The following PCM1 variants were observed in gnomAD, a reference collection of about 807,000 sequenced individuals.
The protein encoded by PCM1 is pericentriolar material 1 protein.
A neutral mutation model predicts 241.9 loss-of-function variants in PCM1; 157 were observed. That is an observed-to-expected ratio of 0.65 (90% CI 0.57 to 0.74). The LOEUF (loss-of-function observed/expected upper bound fraction) is 0.74. Among genes scored for constraint, PCM1 ranks in the 30% least tolerant of loss-of-function variants. The pLI, the probability that PCM1 is intolerant of heterozygous loss-of-function variation, is 0.00. For synonymous variants in PCM1, 1,085 were observed against 784.9 expected, an observed-to-expected ratio of 1.38 and a Z score of -6.39; for missense variants, 3,478 against 2,360.1, an observed-to-expected ratio of 1.47 and a Z score of -9.81.
At chr8:17,988,969 A>G (rs2083510924) in intron 26 of PCM1, among the ~76,000 whole-genome samples, 1 of 152,024 alleles carries the variant, frequency 6.6e-6, no homozygotes, top group Admixed American at 6.6e-5. Context: ...TCCAAGAGAA[A>G]TGAAAATATG....
intron 36 of PCM1, among the ~76,000 whole-genome samples, chr8:18,024,106 AAACTT>A (rs1369053187): frequency 1.3e-5 from 2 of 152,262 alleles, no homozygotes; most frequent in South Asian, 4.1e-4. Flanking sequence ...AACATAAGTG[AAACTT>A]AACTTGGGTC....
chr8:17,936,782 G>A (rs957081210), intron 3 of PCM1, among the ~76,000 whole-genome samples: 8 of 151,984 alleles, frequency 5.3e-5, no homozygotes, highest in African/African-American at 1.2e-4. Context: ...ATAGGAGATC[G>A]GTAAAGGTAT....
At position 18,025,436 on chromosome 8, in the gene PCM1, C is replaced by G. The variant is rs1383544458; in HGVS notation, c.5917C>G (p.Leu1973Val). 2 of 1,590,768 alleles carry G rather than the reference C, an allele frequency of 1.3e-6. No individual in the cohort carries two copies. The highest frequency in any genetic ancestry group is 2.2e-5 in the East Asian group (1 of 44,536). The change falls in exon 37 of 39, where the codon CTG (leucine) becomes GTG (valine). Residue 1973 changes from leucine (L) to valine (V), a missense_variant. Physicochemically the swap from Leu to Val is conservative, Grantham distance 32 (BLOSUM62 1). Transcript: ENST00000325083. ...AAAAGTTGAAGATTTACCACTGAAA[C>G]TGACAATATATTCAGAGGTATTTAG... ...FVKVEDLPLK[L>V]TIYSEADLRK... is the part of the protein sequence containing the mutation.
chr8:17,958,151 C>T (rs1218096299), intron 13 of PCM1, among the ~76,000 whole-genome samples: 1 of 152,100 alleles, frequency 6.6e-6, no homozygotes, highest in South Asian at 2.1e-4. Context: ...GTTTTGCTGA[C>T]AACTCTGGCC....
Position 18,014,682 on chromosome 8 carries a change from G to A in PCM1, c.5683G>A (p.Val1895Ile), listed in dbSNP as rs749736514. 6.2e-7 allele frequency: 1 copy of A among 1,613,778 alleles called. No individual in the cohort carries two copies. Among genetic ancestry groups the A allele is most frequent in the African/African-American group, 1.3e-5 (1 of 75,018 alleles). The change falls in exon 36 of 39, where the codon GTT becomes ATT. Residue 1895 changes from valine (V) to isoleucine (I), a missense_variant. By Grantham distance (29) the Val-to-Ile change is conservative. Transcript: ENST00000325083. ...TGCCCATAAGGAGTCACCTCCTACT[G>A]TTGATTCAACTCAACAGCCTAACCC... ...SAAHKESPPT[V>I]DSTQQPNPLP...
At chr8:18,013,086 A>G (rs1378452652) in intron 34 of PCM1, among the ~76,000 whole-genome samples, 1 of 152,090 alleles carries the variant, frequency 6.6e-6, no homozygotes, top group African/African-American at 2.4e-5. Flanking sequence ...ACAAACTTCT[A>G]AATGTTAGTA....
chr8:17,975,423 G>A (rs995871382), intron 23 of PCM1, among the ~76,000 whole-genome samples: 1 of 152,098 alleles, frequency 6.6e-6, no homozygotes. Flanking sequence ...TTGGCCTCCG[G>A]AAGTGGTGGG....
intron 27 of PCM1, among the ~76,000 whole-genome samples, chr8:17,990,569 G>A (rs975608788): frequency 1.7e-4 from 25 of 151,150 alleles, no homozygotes; most frequent in African/African-American, 5.6e-4. Flanking sequence ...GAAAAAATTC[G>A]AGTCCTAGAC....
intron 27 of PCM1, 126 bp from the exon 28 acceptor site, chr8:17,991,416 G>T: frequency 4.4e-6 from 3 of 677,846 alleles, no homozygotes; most frequent in East Asian, 2.7e-5. Flanking sequence ...GTAGTATAGT[G>T]TGTAGAACTT....
In PCM1 at chr8:17,962,149, A is replaced by T; in HGVS notation, c.2438A>T (p.Glu813Val). The T allele has an allele frequency of 6.2e-7, 1 of 1,607,562 alleles. No homozygotes were observed. Among genetic ancestry groups the T allele is most frequent in the South Asian group, 1.1e-5 (1 of 90,104 alleles). ...ACAAGCAAATCTGTTTTTGAGCCTGAAGATTCTTCAATAGTAGATAATGAG... is the reference window on the plus strand; with the variant it reads ...ACAAGCAAATCTGTTTTTGAGCCTGTAGATTCTTCAATAGTAGATAATGAG... The part of the protein sequence containing the change: ...TSTSKSVFEP[E>V]DSSIVDNELW... Residue 813 changes from glutamate (E) to valine (V), a missense_variant, in exon 16 of 39, where the codon GAA (glutamate) becomes GTA (valine). Glu to Val is a moderately radical substitution (Grantham distance 121, BLOSUM62 -2). Coordinates refer to ENST00000325083, the MANE Select transcript of PCM1 (RefSeq NM_006197.4).
chr8:17,959,594 A>G (rs575899603), intron 13 of PCM1, among the ~76,000 whole-genome samples: 22 of 47,048 alleles, frequency 4.7e-4, no homozygotes, highest in African/African-American at 2.0e-3. Context: ...GCAATTTTCT[A>G]TATGTATTTC....
chr8:17,970,615 G>C (rs911190846), intron 22 of PCM1, among the ~76,000 whole-genome samples: 6 of 152,002 alleles, frequency 3.9e-5, no homozygotes, highest in Non-Finnish European at 7.4e-5. Flanking sequence ...GCCTAACACA[G>C]TGTTAGTTCA....
In PCM1 at chr8:17,937,291, A is replaced by G. The variant is rs756239280; in HGVS notation, c.254A>G (p.His85Arg). ...ACAAAGACTCCACATACGTTCCCAC[A>G]CAGTAGATACATGAGTCAGATGTCT... ...RRTKTPHTFP[H>R]SRYMSQMSVP... The change falls in exon 4 of 39, where the codon CAC (histidine) becomes CGC (arginine). Residue 85 changes from histidine to arginine, a missense_variant. His to Arg is a conservative substitution (Grantham distance 29, BLOSUM62 0). Coordinates refer to ENST00000325083, the MANE Select transcript of PCM1 (RefSeq NM_006197.4). 2.5e-6 allele frequency: 4 copies of G among 1,610,056 alleles called. No individual in the cohort carries two copies. Among genetic ancestry groups the G allele is most frequent in the Admixed American group, 1.7e-5 (1 of 59,686 alleles).
In PCM1 at chr8:18,014,008, C is replaced by T. The variant is rs183515316; in HGVS notation, c.5556C>T (p.Val1852=). The part of the protein sequence containing the change: ...DFKKTAESKN[V]PLEREATSKN... ...AAAAGACAGCAGAAAGCAAAAATGT[C>T]CCATTGGAACGAGAAGCCACTAGTA... Residue 1852 remains valine, a synonymous_variant, in exon 35 of 39, where the codon GTC becomes GTT. Transcript: ENST00000325083. 6.2e-7 allele frequency: 1 copy of T among 1,601,818 alleles called. No individual in the cohort carries two copies. Among genetic ancestry groups the T allele is most frequent in the Non-Finnish European group, 8.5e-7 (1 of 1,174,016 alleles).
At chr8:17,946,402 T>G (rs2063775588) in intron 6 of PCM1, among the ~76,000 whole-genome samples, 1 of 152,224 alleles carries the variant, frequency 6.6e-6, no homozygotes, top group Admixed American at 6.5e-5. Flanking sequence ...AAAATGTATT[T>G]TTAAAATTTC....
At chr8:17,975,879 A>C (rs2078599082) in intron 23 of PCM1, among the ~76,000 whole-genome samples, 1 of 152,190 alleles carries the variant, frequency 6.6e-6, no homozygotes, top group African/African-American at 2.4e-5. Flanking sequence ...ACTTGAGTTC[A>C]GACTTAGACC....
chr8:18,018,838 A>ATGTG (rs150553994), intron 36 of PCM1, among the ~76,000 whole-genome samples: 2 of 122,912 alleles, frequency 1.6e-5, no homozygotes, highest in Non-Finnish European at 3.2e-5. Context: ...ATATATATAT[A>ATGTG]TGTGTGTGTG....
rs569136970 is a variant in PCM1, at chr8:17,939,084, G to T, written c.612+75G>T. ...CCAACAGTAAGGTTTAGAAAATTAG[G>T]TTACGCACACAGGAATTTTAGTTGG... On this transcript the variant is annotated intron_variant, in intron 5 of 38. Coordinates refer to ENST00000325083, the MANE Select transcript of PCM1 (RefSeq NM_006197.4). The T allele has an allele frequency of 1.2e-5, 17 of 1,450,092 alleles. No homozygotes were observed. The South Asian group carries it at 2.1e-4, about 17-fold the overall frequency. The allele number at this position is 1,450,092 out of a possible 1,614,324, so 89.8% of individuals were successfully genotyped here.
chr8:17,929,589 CTG>C (rs1336188103), intron 2 of PCM1, among the ~76,000 whole-genome samples: 5 of 152,344 alleles, frequency 3.3e-5, no homozygotes, highest in African/African-American at 1.2e-4. Flanking sequence ...ATCAGTTTAA[CTG>C]TGTGTCACAT....
Sources: gnomAD v4.1 joint callset for allele counts (sites outside exome capture counted in the v4.1 genomes callset) on GRCh38, gnomAD v4.1.1 for gene constraint, MANE v1.5 for transcripts, NCBI Gene and HGNC (gene_info 2026-07-23, HGNC 2026-07-21) for gene names.